Variants in CYFIP2 observed in about 807,000 individuals in gnomAD.
CYFIP2 encodes the protein cytoplasmic FMR1-interacting protein 2.
Under a neutral mutation model 158.7 loss-of-function variants are expected in CYFIP2, and 29 were observed. The ratio of observed to expected loss-of-function variants is 0.18; its 90% CI spans 0.14 to 0.25. The LOEUF is 0.25. CYFIP2 is among the 10% of genes least tolerant of loss of function. The probability of loss-of-function intolerance (pLI) is 1.00; values close to 1 mark genes in which losing one functional copy is unlikely to be tolerated. For missense variants in CYFIP2, 852 were observed against 1,639.5 expected, an observed-to-expected ratio of 0.52 and a Z score of 8.29; for synonymous variants, 585 against 617.6, an observed-to-expected ratio of 0.95 and a Z score of 0.78.
intron 23 of CYFIP2, among the ~76,000 whole-genome samples, chr5:157,357,489 C>G (rs1191932875): frequency 6.6e-6 from 1 of 152,140 alleles, no homozygotes; most frequent in Non-Finnish European, 1.5e-5. Context: ...ATTGCATGTT[C>G]CATGTACAAG....
At chr5:157,381,550 G>A (rs948375173) in intron 26 of CYFIP2, among the ~76,000 whole-genome samples, 2 of 119,440 alleles carry the variant, frequency 1.7e-5, no homozygotes, top group Non-Finnish European at 3.6e-5. Context: ...AAAAAAAAGG[G>A]GTGAGGGGGA....
At chr5:157,358,303 G>A in intron 23 of CYFIP2, among the ~76,000 whole-genome samples, 1 of 152,192 alleles carries the variant, frequency 6.6e-6, no homozygotes, top group East Asian at 1.9e-4. Context: ...TGGTGGCCAG[G>A]TCTGTGGGTC....
At chr5:157,345,800 A>C (rs761384511) in intron 23 of CYFIP2, 3 of 152,354 alleles carry the variant, frequency 2.0e-5, no homozygotes, top group Non-Finnish European at 2.9e-5. Flanking sequence ...CAGTGAGAGG[A>C]GCTCTCATTC....
At chr5:157,327,717 C>T (rs991208203) in intron 18 of CYFIP2, among the ~76,000 whole-genome samples, 2 of 152,116 alleles carry the variant, frequency 1.3e-5, no homozygotes, top group African/African-American at 2.4e-5. Flanking sequence ...CAGGCGGCCT[C>T]GAAACAGCTG....
intron 11 of CYFIP2, among the ~76,000 whole-genome samples, chr5:157,312,356 C>T (rs772118061): frequency 1.0e-4 from 15 of 150,474 alleles, no homozygotes; most frequent in South Asian, 2.1e-4. Context: ...ACATGATCAG[C>T]GCACAAACCT....
chr5:157,377,647 C>T (rs1397599687), intron 26 of CYFIP2, among the ~76,000 whole-genome samples: 1 of 152,192 alleles, frequency 6.6e-6, no homozygotes, highest in Non-Finnish European at 1.5e-5. Flanking sequence ...CTATTATTTG[C>T]TATATAAATG....
At chr5:157,346,395 G>C (rs1762696108) in intron 23 of CYFIP2, among the ~76,000 whole-genome samples, 1 of 152,192 alleles carries the variant, frequency 6.6e-6, no homozygotes, top group Non-Finnish European at 1.5e-5. Flanking sequence ...ATCTCAAGAT[G>C]AAATCTTCCT....
In CYFIP2 at chr5:157,366,441, C is replaced by T. The variant is rs142567473; in HGVS notation, c.3039+4843C>T. On this transcript the variant is annotated intron_variant, in intron 26 of 30. Transcript: ENST00000620254. ...GTTTAGAAAACCTTTCCTACTCTAA[C>T]GCGTGAAGATGGGCTATCCTCTGAA... Among the ~76,000 whole-genome samples the T allele has an allele frequency of 7.2e-4, 110 of 152,274 alleles. 1 individual carries two copies. In the South Asian group the frequency reaches 8.3e-3, roughly 11 times the overall value.
intron 13 of CYFIP2, 118 bp from the exon 14 acceptor site, chr5:157,319,644 A>G: frequency 7.8e-7 from 1 of 1,275,948 alleles, no homozygotes; most frequent in Non-Finnish European, 1.1e-6. Flanking sequence ...TTTGAGTAGC[A>G]CTGGCCTCAT....
At position 157,319,750 on chromosome 5, in the gene CYFIP2, C is replaced by T. The variant is rs1399478217; in HGVS notation, c.1357-12C>T. 1 of 1,613,764 alleles carries T rather than the reference C, an allele frequency of 6.2e-7. No individual in the cohort carries two copies. The highest frequency in any genetic ancestry group is 1.7e-5 in the Admixed American group (1 of 60,012). ...ACATGGTGAACATGACCCTTGGCCTCTTCCTGCCCAGGTGATCGCCATGAT... is the reference window on the plus strand; with the variant it reads ...ACATGGTGAACATGACCCTTGGCCTTTTCCTGCCCAGGTGATCGCCATGAT... On this transcript the variant is annotated splice_polypyrimidine_tract_variant and intron_variant, in intron 13 of 30. Transcript: ENST00000620254.
chr5:157,365,817 T>C (rs1362352953), intron 26 of CYFIP2, among the ~76,000 whole-genome samples: 2 of 64,506 alleles, frequency 3.1e-5, no homozygotes, highest in Non-Finnish European at 7.2e-5. Flanking sequence ...TTGAGATTCA[T>C]CCATGTTGTA....
rs1338360149 is a variant in CYFIP2 at position 157,342,603 on chromosome 5, A to G, written c.2673+1446A>G. 8 of 408,606 alleles carry G rather than the reference A, an allele frequency of 2.0e-5. No individual in the cohort carries two copies. The East Asian group carries it at 2.8e-4, about 15-fold the overall frequency. The allele number at this position is 408,606 out of a possible 1,614,324, so 25.3% of individuals were successfully genotyped here. ...TATCCATGTTTGTTTTAATGTTAAA[A>G]CAATGCTTTCAATTCTTAACTGTGT... On this transcript the variant is annotated intron_variant, in intron 23 of 30. Coordinates refer to ENST00000620254, the MANE Select transcript of CYFIP2 (RefSeq NM_001037333.3).
intron 29 of CYFIP2, 42 bp downstream of exon 29, chr5:157,389,469 C>T (rs768576232): frequency 2.0e-6 from 3 of 1,486,568 alleles, no homozygotes; most frequent in South Asian, 1.3e-5. Context: ...CCCAACCTGC[C>T]TGTGCTCCTG....
At chr5:157,309,920 C>G in intron 10 of CYFIP2, 86 bp downstream of exon 10, 1 of 1,262,468 alleles carries the variant, frequency 7.9e-7, no homozygotes, top group Non-Finnish European at 1.1e-6. Context: ...GCCCCTCCTC[C>G]CTCCCCAGAT....
At chr5:157,374,591 C>T (rs1158245151) in intron 26 of CYFIP2, among the ~76,000 whole-genome samples, 1 of 152,160 alleles carries the variant, frequency 6.6e-6, no homozygotes, top group Non-Finnish European at 1.5e-5. Flanking sequence ...CAGGTGCTGG[C>T]ATTTGTCTTG....
intron 1 of CYFIP2, among the ~76,000 whole-genome samples, chr5:157,274,693 A>G (rs1756401572): frequency 6.6e-6 from 1 of 152,208 alleles, no homozygotes; most frequent in Non-Finnish European, 1.5e-5. Context: ...CCCATTAGCA[A>G]CGGTATTCTC....
At chr5:157,274,650 C>T (rs960523408) in intron 1 of CYFIP2, among the ~76,000 whole-genome samples, 4 of 152,146 alleles carry the variant, frequency 2.6e-5, no homozygotes, top group African/African-American at 4.8e-5. Flanking sequence ...AAATACCAAT[C>T]GATTTTCCAA....
rs551188020 is a variant in CYFIP2, at chr5:157,302,116, A to G, written c.570-678A>G. ...TAGCCAGCCTGCTTCTGTCATGGCCACAAATGAGATCCTCTGCCGCCCAGC... is the reference window on the plus strand; with the variant it reads ...TAGCCAGCCTGCTTCTGTCATGGCCGCAAATGAGATCCTCTGCCGCCCAGC... On this transcript the variant is annotated intron_variant, in intron 6 of 30. Coordinates refer to ENST00000620254, the MANE Select transcript of CYFIP2 (RefSeq NM_001037333.3). Among the ~76,000 whole-genome samples, 323 of 152,296 alleles carry G rather than the reference A, an allele frequency of 2.1e-3. 1 individual carries two copies. Among genetic ancestry groups the G allele is most frequent in the African/African-American group, 7.1e-3 (295 of 41,552 alleles).
chr5:157,296,032 C>T (rs902430402), intron 4 of CYFIP2, among the ~76,000 whole-genome samples: 8 of 152,166 alleles, frequency 5.3e-5, no homozygotes, highest in South Asian at 2.1e-4. Flanking sequence ...CGCTAGAGTG[C>T]GGACAGGGGA....
Sources: gnomAD v4.1 joint callset for allele counts (sites outside exome capture counted in the v4.1 genomes callset) on GRCh38, gnomAD v4.1.1 for gene constraint, MANE v1.5 for transcripts, NCBI Gene and HGNC (gene_info 2026-07-23, HGNC 2026-07-21) for gene names.